CDKN2B-AS1: variants seen among roughly 807,000 people sequenced by gnomAD.
CDKN2B-AS1 encodes CDKN2B antisense RNA 1 (non-protein coding).
At chr9:22,111,713 T>C (rs899355250) in intron 4 of CDKN2B-AS1, among the ~76,000 whole-genome samples, 7 of 152,144 alleles carry the variant, frequency 4.6e-5, no homozygotes, top group African/African-American at 1.7e-4. Context: ...TATAAATGCA[T>C]TTAATTTCAG....
intron 4 of CDKN2B-AS1, among the ~76,000 whole-genome samples, chr9:22,057,615 C>T (rs1405537603): frequency 6.6e-6 from 1 of 151,820 alleles, no homozygotes; most frequent in Non-Finnish European, 1.5e-5. Flanking sequence ...TCGAGGCCAG[C>T]TTGGGCAACA....
chr9:22,097,745 A>T (rs907919997), intron 4 of CDKN2B-AS1, among the ~76,000 whole-genome samples: 2 of 152,202 alleles, frequency 1.3e-5, no homozygotes, highest in African/African-American at 4.8e-5. Context: ...GGTAGTGCTA[A>T]AGACTTACTA....
chr9:22,042,557 C>A (rs570411677), intron 1 of CDKN2B-AS1, among the ~76,000 whole-genome samples: 212 of 152,172 alleles, frequency 1.4e-3, no homozygotes, highest in African/African-American at 5.0e-3. Flanking sequence ...AAATCCCACC[C>A]TCCCTGAAGT....
intron 4 of CDKN2B-AS1, among the ~76,000 whole-genome samples, chr9:22,123,396 GA>G (rs1386671145): frequency 6.6e-6 from 1 of 152,128 alleles, no homozygotes; most frequent in Admixed American, 6.5e-5. Flanking sequence ...TGTTGAATAA[GA>G]ATGTTAAGAG....
intron 4 of CDKN2B-AS1, among the ~76,000 whole-genome samples, chr9:22,074,938 A>G (rs1824437225): frequency 1.3e-5 from 2 of 152,254 alleles, no homozygotes; most frequent in Admixed American, 1.3e-4. Flanking sequence ...ATGAATGAGT[A>G]TACCATTGGT....
chr9:22,012,679 C>T (rs754075090), intron 1 of CDKN2B-AS1: 1 of 348,056 alleles, frequency 2.9e-6, no homozygotes, highest in Non-Finnish European at 5.5e-6. Flanking sequence ...GCGACCTAAC[C>T]TTGCCCTCAT....
At chr9:22,021,450 A>G (rs1224535281) in intron 1 of CDKN2B-AS1, among the ~76,000 whole-genome samples, 3 of 152,170 alleles carry the variant, frequency 2.0e-5, no homozygotes, top group East Asian at 3.8e-4. Context: ...AGTTTTTTCT[A>G]GTTCTATGAA....
intron 4 of CDKN2B-AS1, among the ~76,000 whole-genome samples, chr9:22,109,580 G>T (rs987981325): frequency 1.5e-4 from 23 of 152,168 alleles, no homozygotes; most frequent in Admixed American, 1.5e-3. Flanking sequence ...ATAAGTAAGA[G>T]CAAGTATTTT....
intron 1 of CDKN2B-AS1, among the ~76,000 whole-genome samples, chr9:22,045,038 T>TTG (rs3028395): frequency 0.18 from 25,614 of 141,678 alleles, 2,371 homozygotes; most frequent in African/African-American, 0.27. Context: ...TATTATTTAT[T>TTG]TGTGTGTGTG....
intron 4 of CDKN2B-AS1, among the ~76,000 whole-genome samples, chr9:22,070,247 G>T (rs1824235659): frequency 6.6e-6 from 1 of 152,080 alleles, no homozygotes; most frequent in African/African-American, 2.4e-5. Context: ...AGAGTTAATT[G>T]GTTAATTGAT....
intron 2 of CDKN2B-AS1, among the ~76,000 whole-genome samples, chr9:22,047,737 G>C (rs1823168455): frequency 6.6e-6 from 1 of 151,680 alleles, no homozygotes. Flanking sequence ...AGGAGGTTTT[G>C]CAATCCAGCT....
At chr9:22,009,581 C>T (rs962843962) in intron 1 of CDKN2B-AS1, among the ~76,000 whole-genome samples, 1 of 152,252 alleles carries the variant, frequency 6.6e-6, no homozygotes, top group African/African-American at 2.4e-5. Context: ...CCCTCAGCTC[C>T]TAATCCCCAG....
chr9:22,038,046 A>G (rs1322858042), intron 1 of CDKN2B-AS1, among the ~76,000 whole-genome samples: 1 of 152,054 alleles, frequency 6.6e-6, no homozygotes, highest in African/African-American at 2.4e-5. Context: ...TTATTTCTTT[A>G]TAGTACTTAC....
chr9:22,028,705 A>C (rs1435369417), intron 1 of CDKN2B-AS1, among the ~76,000 whole-genome samples: 1 of 152,204 alleles, frequency 6.6e-6, no homozygotes, highest in Non-Finnish European at 1.5e-5. Flanking sequence ...CCTGAAACTT[A>C]ACAGCAAAGT....
At chr9:22,057,239 C>T (rs767293070) in intron 4 of CDKN2B-AS1, among the ~76,000 whole-genome samples, 2 of 152,092 alleles carry the variant, frequency 1.3e-5, no homozygotes, top group Non-Finnish European at 2.9e-5. Context: ...ATGTATTCTT[C>T]AGTATGTTAT....
chr9:22,012,450 G>A (rs751934332), intron 1 of CDKN2B-AS1: 33 of 714,110 alleles, frequency 4.6e-5, no homozygotes, highest in South Asian at 1.7e-4. Context: ...TGCCATAAGC[G>A]CTATGCTCTC....
chr9:22,012,184 C>A (rs1821537120), intron 1 of CDKN2B-AS1: 12 of 1,386,370 alleles, frequency 8.7e-6, no homozygotes, highest in Non-Finnish European at 1.1e-5. Context: ...CCCTCACGGG[C>A]AAGACCATCA....
intron 3 of CDKN2B-AS1, among the ~76,000 whole-genome samples, chr9:22,052,879 A>AT (rs1032959157): frequency 2.1e-4 from 32 of 152,164 alleles, no homozygotes; most frequent in African/African-American, 7.7e-4. Flanking sequence ...CCATGCTGTC[A>AT]TTTTTTCTCA....
chr9:22,043,152 C>T (rs546626063), intron 1 of CDKN2B-AS1, among the ~76,000 whole-genome samples: 41 of 152,020 alleles, frequency 2.7e-4, no homozygotes, highest in Non-Finnish European at 5.0e-4. Context: ...ATTCATTTAG[C>T]AAACATGTAT....
Sources: allele counts gnomAD v4.1 joint callset (sites outside exome capture counted in the v4.1 genomes callset), GRCh38; gene constraint gnomAD v4.1.1; transcripts MANE v1.5; gene names NCBI Gene and HGNC (gene_info 2026-07-23, HGNC 2026-07-21).